MTMR14: variants seen among roughly 807,000 people sequenced by gnomAD.
The protein encoded by MTMR14 is myotubularin related protein 14, also known as phosphatidylinositol-3,5-bisphosphate 3-phosphatase MTMR14.
In MTMR14, 48 loss-of-function variants were observed where a neutral mutation model predicts 86.3. The observed-to-expected ratio is 0.56, with a 90% CI of 0.44 to 0.71. The LOEUF is 0.71. Ranked by LOEUF, MTMR14 falls within the 30% of genes least tolerant of loss-of-function variation. MTMR14 has a pLI of 0.00. For synonymous variants in MTMR14, 366 were observed against 326.1 expected, an observed-to-expected ratio of 1.12 and a Z score of -1.32; for missense variants, 780 against 834.6, an observed-to-expected ratio of 0.93 and a Z score of 0.81.
intron 1 of MTMR14, among the ~76,000 whole-genome samples, chr3:9,652,384 G>A (rs376331899): frequency 2.0e-5 from 3 of 152,322 alleles, no homozygotes; most frequent in African/African-American, 7.2e-5. Context: ...TCACCAGCAA[G>A]TTGTGTATAA....
Position 9,697,814 on chromosome 3 carries a change from A to C in MTMR14, c.1717A>C (p.Thr573Pro). 1 of 1,614,174 alleles carries C rather than the reference A, an allele frequency of 6.2e-7. No homozygotes were observed. Among genetic ancestry groups the C allele is most frequent in the Non-Finnish European group, 8.5e-7 (1 of 1,180,046 alleles). ...TATTCAGGAGCGGGCTGTCCTGCAC[A>C]CAGACTCCTCTCTCCCTTTCAGCTT... ...GSIQERAVLHTDSSLPFSFPD... is the reference protein window; with the variant it reads ...GSIQERAVLHPDSSLPFSFPD... Residue 573 changes from threonine (T) to proline (P), a missense_variant, in exon 18 of 19, where the codon ACA becomes CCA. Coordinates refer to ENST00000296003, the MANE Select transcript of MTMR14 (RefSeq NM_001077525.3).
intron 1 of MTMR14, among the ~76,000 whole-genome samples, chr3:9,651,512 C>T (rs748265698): frequency 2.6e-5 from 4 of 152,138 alleles, no homozygotes; most frequent in African/African-American, 7.2e-5. Context: ...ATATTGGCTG[C>T]GGCTGGCCTT....
intron 17 of MTMR14, among the ~76,000 whole-genome samples, chr3:9,693,483 C>T (rs540635990): frequency 1.3e-5 from 2 of 152,344 alleles, no homozygotes; most frequent in South Asian, 2.1e-4. Context: ...TTACCAATAA[C>T]ATAAAGTCAG....
chr3:9,659,708 G>T (rs1559562254), intron 2 of MTMR14: 1 of 455,674 alleles, frequency 2.2e-6, no homozygotes, highest in Non-Finnish European at 4.4e-6. Context: ...CTCCCCAAGT[G>T]TGGGATTACA....
At chr3:9,693,850 GAAT>G (rs1469977342) in intron 17 of MTMR14, among the ~76,000 whole-genome samples, 1 of 152,178 alleles carries the variant, frequency 6.6e-6, no homozygotes, top group Non-Finnish European at 1.5e-5. Flanking sequence ...CAACAAAAAG[GAAT>G]AATAAGGAAC....
rs781324100 is a variant in MTMR14, at chr3:9,689,066, C to T, written c.1417C>T (p.Pro473Ser). 1 of 1,612,362 alleles carries T rather than the reference C, an allele frequency of 6.2e-7. No individual in the cohort carries two copies. Among genetic ancestry groups the T allele is most frequent in the South Asian group, 1.1e-5 (1 of 91,088 alleles). Residue 473 changes from proline to serine, a missense_variant, in exon 16 of 19, where the codon CCA becomes TCA. Pro to Ser is a moderately conservative substitution (Grantham distance 74). Transcript: ENST00000296003. ...EAVELVPAGA[P>S]TQAAWRKSHS... Reference sequence around the variant, plus strand: ...CGTGGAGCTGGTCCCAGCAGGAGCGCCAACTCAGGCAGCTTGGTAAGGGGC... The same window carrying T: ...CGTGGAGCTGGTCCCAGCAGGAGCGTCAACTCAGGCAGCTTGGTAAGGGGC...
At chr3:9,670,780 A>G (rs9863037) in intron 5 of MTMR14, among the ~76,000 whole-genome samples, 1 of 152,164 alleles carries the variant, frequency 6.6e-6, no homozygotes, top group African/African-American at 2.4e-5. Context: ...CTTAATGTCA[A>G]GCAATGCCAG....
chr3:9,687,990 T>C, intron 14 of MTMR14, 99 bp downstream of exon 14: 2 of 1,035,404 alleles, frequency 1.9e-6, no homozygotes, highest in Non-Finnish European at 2.9e-6. Context: ...CCGCCCTGCC[T>C]CCCTGCTTGT....
Position 9,668,749 on chromosome 3 carries a change from T to G in MTMR14, c.448T>G (p.Trp150Gly). 6.2e-7 allele frequency: 1 copy of G among 1,614,180 alleles called. No homozygotes were observed. Among genetic ancestry groups the G allele is most frequent in the Non-Finnish European group, 8.5e-7 (1 of 1,180,026 alleles). ...HICRSATLAG[W>G]GELYGRSGYN... ...TTGCAGGTCGGCCACACTGGCTGGATGGGGAGAGCTGTATGGACGCTCAGG... is the reference window on the plus strand; with the variant it reads ...TTGCAGGTCGGCCACACTGGCTGGAGGGGGAGAGCTGTATGGACGCTCAGG... Residue 150 changes from tryptophan to glycine, a missense_variant, in exon 4 of 19, where the codon TGG becomes GGG. Physicochemically the swap from Trp to Gly is radical, Grantham distance 184 (BLOSUM62 -2). Coordinates refer to ENST00000296003, the MANE Select transcript of MTMR14 (RefSeq NM_001077525.3).
chr3:9,666,638 AC>A (rs1160820195), intron 3 of MTMR14, among the ~76,000 whole-genome samples: 1 of 152,216 alleles, frequency 6.6e-6, no homozygotes, highest in Non-Finnish European at 1.5e-5. Flanking sequence ...AAGTTCTCAT[AC>A]CATTTTCTCC....
At chr3:9,662,953 C>A (rs2048024996) in intron 3 of MTMR14, among the ~76,000 whole-genome samples, 1 of 152,156 alleles carries the variant, frequency 6.6e-6, no homozygotes, top group Non-Finnish European at 1.5e-5. Context: ...GTGCCCATTT[C>A]ATTGCAGATG....
At chr3:9,663,665 C>T (rs534010359) in intron 3 of MTMR14, among the ~76,000 whole-genome samples, 2 of 151,578 alleles carry the variant, frequency 1.3e-5, no homozygotes, top group South Asian at 4.2e-4. Context: ...AGGCACCCGC[C>T]ACCACGCCCG....
At chr3:9,664,601 C>T (rs1574964636) in intron 3 of MTMR14, among the ~76,000 whole-genome samples, 1 of 152,106 alleles carries the variant, frequency 6.6e-6, no homozygotes, top group South Asian at 2.1e-4. Flanking sequence ...TTTGTATCAG[C>T]ATGGATAGAA....
At chr3:9,667,663 A>G (rs2048329103) in intron 3 of MTMR14, among the ~76,000 whole-genome samples, 1 of 152,086 alleles carries the variant, frequency 6.6e-6, no homozygotes, top group South Asian at 2.1e-4. Context: ...GGTTATATCC[A>G]GGTAGCTTTT....
chr3:9,685,638 G>A (rs1403870547), intron 13 of MTMR14, among the ~76,000 whole-genome samples: 5 of 151,950 alleles, frequency 3.3e-5, no homozygotes, highest in Admixed American at 6.6e-5. Flanking sequence ...CCACCCTCCC[G>A]TCACACCCTT....
rs879461070 is a variant in MTMR14 at position 9,682,933 on chromosome 3, GC to G, written c.898-235del. 4.3e-3 allele frequency among the ~76,000 whole-genome samples: 613 copies of G among 142,090 alleles called. 9 individuals carry two copies. Among genetic ancestry groups the G allele is most frequent in the African/African-American group, 9.1e-3 (336 of 36,946 alleles). 93.2% of individuals were successfully genotyped at this position (142,090 alleles called of 152,430 possible). On this transcript the variant is annotated intron_variant, in intron 9 of 18. Coordinates refer to ENST00000296003, the MANE Select transcript of MTMR14 (RefSeq NM_001077525.3). ...TTCCTCACTCTCACATTGGGTCAGA[GC>G]CCCCCCCCCGCCCCCGCCCCCCGAG...
At chr3:9,658,715 A>G (rs2047751008) in intron 2 of MTMR14, among the ~76,000 whole-genome samples, 1 of 152,216 alleles carries the variant, frequency 6.6e-6, no homozygotes, top group African/African-American at 2.4e-5. Flanking sequence ...ACTGAGTGAG[A>G]TAATGTGGGT....
chr3:9,677,928 AC>A lies in MTMR14; in HGVS notation c.823-54del. On this transcript the variant is annotated intron_variant, in intron 8 of 18. Transcript: ENST00000296003. This position sits in a 1 kb window ranked among gnomAD's most constrained non-coding sequence, Gnocchi z 4.2. ...CCTCAGGACTGCAAGCTTCCCCATC[AC>A]CTAAGCCTCCTCTGGTGGCCAACCC... 6.5e-7 allele frequency: 1 copy of A among 1,540,244 alleles called. No homozygotes were observed. The highest frequency in any genetic ancestry group is 8.9e-7 in the Non-Finnish European group (1 of 1,117,806).
At chr3:9,697,946 A>G in intron 18 of MTMR14, 80 bp downstream of exon 18, 5 of 1,594,224 alleles carry the variant, frequency 3.1e-6, no homozygotes, top group Non-Finnish European at 4.3e-6. Context: ...GCTGGGTAGG[A>G]ATGAGGCTGG....
Sources: allele counts gnomAD v4.1 joint callset (sites outside exome capture counted in the v4.1 genomes callset), GRCh38; gene constraint gnomAD v4.1.1; non-coding constraint Gnocchi (gnomAD v3.1); transcripts MANE v1.5; gene names NCBI Gene and HGNC (gene_info 2026-07-23, HGNC 2026-07-21).